PRDM14: variants seen among roughly 807,000 people sequenced by gnomAD.
PRDM14 encodes PR domain zinc finger protein 14.
PRDM14 carries 16 observed loss-of-function variants against 48.0 expected under a neutral mutation model. The ratio of observed to expected loss-of-function variants is 0.33; its 90% CI spans 0.23 to 0.51. PRDM14 has a LOEUF of 0.51. PRDM14 is among the 20% of genes least tolerant of loss of function. The probability of loss-of-function intolerance (pLI) is 0.97; values close to 1 mark genes in which losing one functional copy is unlikely to be tolerated. For synonymous variants in PRDM14, 264 were observed against 276.6 expected (o/e 0.95, Z 0.45); for missense variants, 566 against 719.6 (o/e 0.79, Z 2.44).
chr8:70,067,509 C>T (rs1379845518), intron 4 of PRDM14, among the ~76,000 whole-genome samples: 1 of 148,718 alleles, frequency 6.7e-6, no homozygotes, highest in South Asian at 2.1e-4. Context: ...CAGACAAAAA[C>T]TCCGTCTCAA....
intron 4 of PRDM14, among the ~76,000 whole-genome samples, chr8:70,067,403 A>G (rs1377222616): frequency 2.0e-5 from 3 of 151,974 alleles, no homozygotes; most frequent in Non-Finnish European, 4.4e-5. Flanking sequence ...CTGTAATCCT[A>G]GCTACTCGGA....
chr8:70,059,601 C>T (rs1805542493), intron 5 of PRDM14, among the ~76,000 whole-genome samples: 1 of 152,064 alleles, frequency 6.6e-6, no homozygotes, highest in African/African-American at 2.4e-5. Flanking sequence ...CTTTTTATTA[C>T]AGAAAAATGT....
intron 2 of PRDM14, 145 bp from the exon 3 acceptor site, chr8:70,068,677 T>A (rs989274437): frequency 2.4e-4 from 169 of 716,764 alleles, no homozygotes; most frequent in Non-Finnish European, 3.5e-4. Flanking sequence ...CCTGCTCATT[T>A]TACATGGTCT....
chr8:70,068,439 T>C (rs1349343632), intron 3 of PRDM14, 40 bp downstream of exon 3: 1 of 1,613,922 alleles, frequency 6.2e-7, no homozygotes, highest in East Asian at 2.2e-5. Flanking sequence ...GACTCTGCAT[T>C]AGTTCAGGGA....
intron 7 of PRDM14, among the ~76,000 whole-genome samples, chr8:70,052,638 G>A (rs2131033135): frequency 6.6e-6 from 1 of 152,198 alleles, no homozygotes; most frequent in East Asian, 1.9e-4. Context: ...GCCAAGGCAG[G>A]TGGATCACCT....
intron 1 of PRDM14, among the ~76,000 whole-genome samples, chr8:70,070,432 C>T (rs1244503548): frequency 6.6e-6 from 1 of 152,080 alleles, no homozygotes; most frequent in Non-Finnish European, 1.5e-5. Flanking sequence ...GACCCTGGGT[C>T]GCACCGCGCA....
intron 5 of PRDM14, among the ~76,000 whole-genome samples, chr8:70,062,198 G>A (rs764562629): frequency 6.6e-6 from 1 of 152,176 alleles, no homozygotes; most frequent in Non-Finnish European, 1.5e-5. Flanking sequence ...ACTTGGTTCA[G>A]AACTGGAACA....
chr8:70,058,957 G>A, intron 5 of PRDM14, 115 bp from the exon 6 acceptor site: 1 of 907,440 alleles, frequency 1.1e-6, no homozygotes, highest in Non-Finnish European at 1.6e-6. Flanking sequence ...TACTTCAAGA[G>A]GAATTTTCTT....
rs1805694581 is a variant in PRDM14 at position 70,067,691 on chromosome 8, AG to A, written c.912+538del. On this transcript the variant is annotated intron_variant, in intron 4 of 7. Transcript: ENST00000276594. The stretch of plus-strand genomic sequence containing the variant: ...ACTATATTCCTAGAAGTAGAAATTC[AG>A]GGTCAAGGGACTTTGAACATTTTAA... 2.6e-5 allele frequency among the ~76,000 whole-genome samples: 4 copies of A among 152,344 alleles called. No homozygotes were observed. The East Asian group carries it at 7.7e-4, about 29-fold the overall frequency.
intron 3 of PRDM14, 22 bp from the exon 4 acceptor site, chr8:70,068,409 A>T (rs1320550956): frequency 6.2e-7 from 1 of 1,614,164 alleles, no homozygotes; most frequent in Admixed American, 1.7e-5. Flanking sequence ...CCGAGGCAGG[A>T]AAAGAGAATG....
intron 3 of PRDM14, 34 bp downstream of exon 3, chr8:70,068,445 A>G (rs1805706856): frequency 6.2e-7 from 1 of 1,613,868 alleles, no homozygotes; most frequent in Non-Finnish European, 8.5e-7. Flanking sequence ...GCATTAGTTC[A>G]GGGAAAGAAA....
chr8:70,057,544 C>G (rs777344337), intron 6 of PRDM14, among the ~76,000 whole-genome samples: 1 of 152,080 alleles, frequency 6.6e-6, no homozygotes, highest in Non-Finnish European at 1.5e-5. Flanking sequence ...GTTGGCCAGG[C>G]TGGTCTCGAA....
intron 7 of PRDM14, among the ~76,000 whole-genome samples, chr8:70,054,450 G>T (rs922095887): frequency 6.6e-6 from 1 of 151,826 alleles, no homozygotes; most frequent in Admixed American, 6.6e-5. Context: ...GCACAGCTAG[G>T]TAAGCACCAG....
chr8:70,055,544 T>G, intron 6 of PRDM14, 143 bp from the exon 7 acceptor site: 1 of 519,828 alleles, frequency 1.9e-6, no homozygotes, highest in Non-Finnish European at 3.5e-6. Flanking sequence ...CTCAATTTGT[T>G]ACCCAGACTG....
chr8:70,064,740 T>A (rs1805639198), intron 5 of PRDM14, among the ~76,000 whole-genome samples: 1 of 152,042 alleles, frequency 6.6e-6, no homozygotes, highest in Admixed American at 6.5e-5. Flanking sequence ...TTAGCCAGGA[T>A]GGCTATGATC....
rs1805423765 is a variant in PRDM14 at position 70,053,552 on chromosome 8, C to A, written c.1489-1248G>T. On this transcript the variant is annotated intron_variant, in intron 7 of 7. Transcript: ENST00000276594. ...ATTACAGGTGCACTATGATGCCCAG[C>A]TAATTTTTCTATTTTTAGTAGAGAT... is the stretch of plus-strand genomic sequence containing the variant. Among the ~76,000 whole-genome samples the A allele has an allele frequency of 2.0e-5, 3 of 152,054 alleles. No homozygotes were observed. The South Asian group carries it at 6.2e-4, about 32-fold the overall frequency.
At chr8:70,070,821 G>A (rs1352495452) in intron 1 of PRDM14, among the ~76,000 whole-genome samples, 1 of 152,206 alleles carries the variant, frequency 6.6e-6, no homozygotes, top group Non-Finnish European at 1.5e-5. Flanking sequence ...CGAGGCTGAA[G>A]AATGAAGCCC....
At chr8:70,069,019 A>C in intron 2 of PRDM14, 142 bp downstream of exon 2, 1 of 657,702 alleles carries the variant, frequency 1.5e-6, no homozygotes, top group Non-Finnish European at 2.5e-6. Flanking sequence ...AGCCTAGAAC[A>C]GCCCTGGCTC....
At chr8:70,060,591 G>C (rs1480374262) in intron 5 of PRDM14, among the ~76,000 whole-genome samples, 1 of 152,118 alleles carries the variant, frequency 6.6e-6, no homozygotes, top group East Asian at 1.9e-4. Flanking sequence ...TGTTGTATAT[G>C]GTTGCTATGT....
Sources: gnomAD v4.1 joint callset for allele counts (sites outside exome capture counted in the v4.1 genomes callset) on GRCh38, gnomAD v4.1.1 for gene constraint, MANE v1.5 for transcripts, NCBI Gene and HGNC (gene_info 2026-07-23, HGNC 2026-07-21) for gene names.